PDE11A: variants seen among roughly 807,000 people sequenced by gnomAD.
The protein encoded by PDE11A is phosphodiesterase 11A, also known as dual 3',5'-cyclic-AMP and -GMP phosphodiesterase 11A.
PDE11A carries 100 observed loss-of-function variants against 100.5 expected under a neutral mutation model. The ratio of observed to expected loss-of-function variants is 1.00; its 90% CI spans 0.85 to 1.18. The LOEUF (loss-of-function observed/expected upper bound fraction) is 1.18. Ranked by LOEUF, PDE11A falls within the 50% of genes most tolerant of loss-of-function variation. The pLI is 0.00. For missense variants in PDE11A, 1,141 were observed against 1,152.6 expected (o/e 0.99, Z 0.15); for synonymous variants, 381 against 420.8 (o/e 0.91, Z 1.16).
intron 12 of PDE11A, among the ~76,000 whole-genome samples, chr2:177,713,819 T>C (rs2081392005): frequency 6.6e-6 from 1 of 152,108 alleles, no homozygotes; most frequent in African/African-American, 2.4e-5. Context: ...TTTATTTTAC[T>C]TAAATTATTA....
chr2:177,640,847 T>C (rs969253059), intron 19 of PDE11A, among the ~76,000 whole-genome samples: 8 of 152,222 alleles, frequency 5.3e-5, no homozygotes, highest in Admixed American at 3.3e-4. Context: ...TTATCATCTA[T>C]CTAGCTGTCC....
At chr2:177,748,442 A>T (rs2081983299) in intron 10 of PDE11A, among the ~76,000 whole-genome samples, 1 of 152,214 alleles carries the variant, frequency 6.6e-6, no homozygotes, top group African/African-American at 2.4e-5. Flanking sequence ...AAGACACAGC[A>T]GGTGAATAAA....
intron 1 of PDE11A, among the ~76,000 whole-genome samples, chr2:178,022,501 G>T (rs549581862): frequency 1.3e-5 from 2 of 151,830 alleles, no homozygotes; most frequent in South Asian, 4.2e-4. Context: ...TTAATTTCAG[G>T]AAAAGGACTT....
At chr2:177,894,950 TCCTGCCTC>T (rs2105723438) in intron 4 of PDE11A, among the ~76,000 whole-genome samples, 1 of 152,262 alleles carries the variant, frequency 6.6e-6, no homozygotes, top group Non-Finnish European at 1.5e-5. Context: ...TGCCTGTAAC[TCCTGCCTC>T]CCTAAAATGT....
At chr2:177,944,811 T>TCTCCCA (rs1224472287) in intron 2 of PDE11A, among the ~76,000 whole-genome samples, 1 of 121,500 alleles carries the variant, frequency 8.2e-6, no homozygotes, top group Non-Finnish European at 1.9e-5. Context: ...GCGCTCTCCC[T>TCTCCCA]CTCCCTCTCC....
chr2:177,829,256 A>T (rs1175945630), intron 6 of PDE11A, among the ~76,000 whole-genome samples: 1 of 152,142 alleles, frequency 6.6e-6, no homozygotes, highest in Non-Finnish European at 1.5e-5. Flanking sequence ...CCTATTAAAA[A>T]TATGCATATA....
At chr2:178,035,027 A>G (rs111363905) in intron 1 of PDE11A, among the ~76,000 whole-genome samples, 1,586 of 152,328 alleles carry the variant, frequency 0.01, 23 homozygotes, top group African/African-American at 0.036. Context: ...CTAAGATCAG[A>G]GCAGAACTGA....
intron 2 of PDE11A, among the ~76,000 whole-genome samples, chr2:177,930,714 AAC>A (rs2085194068): frequency 6.6e-6 from 1 of 152,218 alleles, no homozygotes; most frequent in East Asian, 1.9e-4. Context: ...GAAATGGCCA[AAC>A]ACAGAGAAAG....
chr2:177,855,819 C>T (rs1464045280), intron 5 of PDE11A, among the ~76,000 whole-genome samples: 1 of 151,378 alleles, frequency 6.6e-6, no homozygotes, highest in African/African-American at 2.4e-5. Context: ...GAGCAAAAAG[C>T]TTAATGAGAT....
At chr2:177,911,573 A>G (rs146305134) in intron 2 of PDE11A, among the ~76,000 whole-genome samples, 7 of 152,214 alleles carry the variant, frequency 4.6e-5, no homozygotes, top group Non-Finnish European at 7.3e-5. Flanking sequence ...ACAAATAAAT[A>G]TAAAACATTG....
At chr2:177,803,094 TTTCAC>T (rs1390282614) in intron 9 of PDE11A, among the ~76,000 whole-genome samples, 1 of 151,688 alleles carries the variant, frequency 6.6e-6, no homozygotes, top group Non-Finnish European at 1.5e-5. Flanking sequence ...AACAAATAAT[TTTCAC>T]TTCAAGTAAG....
chr2:178,097,839 C>T (rs969731677), intron 2 of PDE11A, among the ~76,000 whole-genome samples: 7 of 152,112 alleles, frequency 4.6e-5, no homozygotes, highest in Admixed American at 2.6e-4. Flanking sequence ...TCTGCACAAC[C>T]GGTGGCCCAA....
rs181505807 is a variant in PDE11A, at chr2:177,715,894, G to A, written c.2044-4016C>T. Among the ~76,000 whole-genome samples the A allele has an allele frequency of 3.3e-3, 499 of 152,298 alleles. 3 individuals carry two copies. The highest frequency in any genetic ancestry group is 0.01 in the African/African-American group (428 of 41,556). On this transcript the variant is annotated intron_variant, in intron 12 of 19. Transcript: ENST00000286063. ...AGTAAAGCATCACAAAACTCACTGT[G>A]CACCAGTGTATGTGGGTGGTGCCTG... is the stretch of plus-strand genomic sequence containing the variant.
intron 4 of PDE11A, among the ~76,000 whole-genome samples, chr2:177,879,086 A>C (rs1408388203): frequency 6.6e-6 from 1 of 152,298 alleles, no homozygotes; most frequent in African/African-American, 2.4e-5. Context: ...CATTTGGCCT[A>C]CTTCTTACTA....
rs558758556 is a variant in PDE11A at position 177,719,875 on chromosome 2, C to CA, written c.2043+7782dup. Reference sequence around the variant, plus strand: ...AAACAAGATGCTCATATCATCTTAACAACAAAAAAAAAGGCCCAATTTGCA... The same window carrying CA: ...AAACAAGATGCTCATATCATCTTAACAAACAAAAAAAAAGGCCCAATTTGCA... On this transcript the variant is annotated intron_variant, in intron 12 of 19. Coordinates refer to ENST00000286063, the MANE Select transcript of PDE11A (RefSeq NM_016953.4). Among the ~76,000 whole-genome samples, 347 of 151,908 alleles carry CA rather than the reference C, an allele frequency of 2.3e-3. 2 individuals carry two copies. Among genetic ancestry groups the CA allele is most frequent in the African/African-American group, 7.9e-3 (328 of 41,402 alleles).
At chr2:177,758,296 CAAAAAAAAAAAA>C (rs78765770) in intron 10 of PDE11A, among the ~76,000 whole-genome samples, 3 of 65,016 alleles carry the variant, frequency 4.6e-5, no homozygotes, top group East Asian at 8.1e-4. Flanking sequence ...GACTCCGTCT[CAAAAAAAAAAAA>C]AAAAAAAAAA....
intron 9 of PDE11A, among the ~76,000 whole-genome samples, chr2:177,771,956 C>G (rs773056967): frequency 2.0e-5 from 3 of 151,910 alleles, no homozygotes; most frequent in African/African-American, 4.8e-5. Flanking sequence ...GAGCCGAGAT[C>G]GTGCCATTGC....
chr2:177,998,436 G>T, intron 2 of PDE11A: 1 of 1,043,842 alleles, frequency 9.6e-7, no homozygotes, highest in Non-Finnish European at 1.5e-6. Context: ...GTTAAATTCT[G>T]CAGAGCCATC....
At chr2:178,030,259 T>C (rs1348310783) in intron 1 of PDE11A, among the ~76,000 whole-genome samples, 1 of 152,156 alleles carries the variant, frequency 6.6e-6, no homozygotes, top group Non-Finnish European at 1.5e-5. Flanking sequence ...AATGGTGTTA[T>C]GAACAACTTT....
Sources: gnomAD v4.1 joint callset for allele counts (sites outside exome capture counted in the v4.1 genomes callset) on GRCh38, gnomAD v4.1.1 for gene constraint, MANE v1.5 for transcripts, NCBI Gene and HGNC (gene_info 2026-07-23, HGNC 2026-07-21) for gene names.